Variants in UNC13C observed in about 807,000 individuals in gnomAD.
The protein encoded by UNC13C is protein unc-13 homolog C.
UNC13C carries 174 observed loss-of-function variants against 245.4 expected under a neutral mutation model. The ratio of observed to expected loss-of-function variants is 0.71; its 90% CI spans 0.63 to 0.80. The LOEUF (loss-of-function observed/expected upper bound fraction) is 0.80. Among genes scored for constraint, UNC13C ranks in the 30% least tolerant of loss-of-function variants. UNC13C has a pLI of 0.00. For missense variants in UNC13C, 2,829 were observed against 2,602.9 expected (o/e 1.09, Z -1.89); for synonymous variants, 992 against 895.1 (o/e 1.11, Z -1.93).
chr15:53,957,973 GT>G, the UNC13C span, among the ~76,000 whole-genome samples: 10 of 152,066 alleles, frequency 6.6e-5, no homozygotes, highest in Admixed American at 2.0e-4. Context: ...TTTGTTTTTT[GT>G]TTTTTTGTGT....
At chr15:54,132,015 C>T (rs1446410476) in intron 2 of UNC13C, among the ~76,000 whole-genome samples, 2 of 151,382 alleles carry the variant, frequency 1.3e-5, no homozygotes, top group African/African-American at 4.9e-5. Context: ...TCACTTTGTT[C>T]ATATCTTTAA....
At chr15:54,459,154 T>C (rs941278234) in intron 19 of UNC13C, among the ~76,000 whole-genome samples, 2 of 152,184 alleles carry the variant, frequency 1.3e-5, no homozygotes, top group African/African-American at 4.8e-5. Context: ...TTACGAAGCT[T>C]AGTTTCTCTG....
At chr15:54,367,350 A>G (rs1012258870) in intron 17 of UNC13C, among the ~76,000 whole-genome samples, 1 of 152,214 alleles carries the variant, frequency 6.6e-6, no homozygotes, top group Non-Finnish European at 1.5e-5. Context: ...TGTGAATACC[A>G]TCTTTTCTGT....
chr15:54,454,850 C>T (rs1425200538), intron 19 of UNC13C, among the ~76,000 whole-genome samples: 2 of 151,688 alleles, frequency 1.3e-5, no homozygotes, highest in African/African-American at 2.4e-5. Context: ...TTCAGGGGAA[C>T]AAGTGGTGTT....
the UNC13C span, among the ~76,000 whole-genome samples, chr15:53,925,885 G>A: frequency 6.6e-6 from 1 of 152,162 alleles, no homozygotes; most frequent in Non-Finnish European, 1.5e-5. Flanking sequence ...TCCTGGCTAG[G>A]CCTGTAAAAT....
chr15:54,030,865 A>C (rs1441661941), intron 2 of UNC13C, among the ~76,000 whole-genome samples: 1 of 152,074 alleles, frequency 6.6e-6, no homozygotes, highest in Non-Finnish European at 1.5e-5. Flanking sequence ...AGAGCCCAAA[A>C]TCCTATTTGT....
At chr15:54,362,165 C>T (rs1336436075) in intron 17 of UNC13C, among the ~76,000 whole-genome samples, 1 of 152,194 alleles carries the variant, frequency 6.6e-6, no homozygotes, top group Non-Finnish European at 1.5e-5. Flanking sequence ...AAAAGACGTA[C>T]TCTTTATCCA....
rs552902087 is a variant in UNC13C, at chr15:54,490,629, C to T, written c.4934-3979C>T. Among the ~76,000 whole-genome samples the T allele has an allele frequency of 4.0e-5, 6 of 151,444 alleles. No homozygotes were observed. The East Asian group carries it at 9.7e-4, about 25-fold the overall frequency. On this transcript the variant is annotated intron_variant, in intron 19 of 32. Coordinates refer to ENST00000260323, the MANE Select transcript of UNC13C (RefSeq NM_001080534.3). ...CCTGCTTTCCAAAGTGTAGAGGCTACTGCATTGCAAGGGACAGGGATTGGG... is the reference window on the plus strand; with the variant it reads ...CCTGCTTTCCAAAGTGTAGAGGCTATTGCATTGCAAGGGACAGGGATTGGG...
rs1245840351 is a variant in UNC13C at position 54,627,378 on chromosome 15, T to C, written c.*265T>C. ...TGTTTATTTTGTTTCTTTACCCATT[T>C]CACATTCATTAAACATAATTTTTAA... On this transcript the variant is annotated 3_prime_UTR_variant, in exon 33 of 33. Coordinates refer to ENST00000260323, the MANE Select transcript of UNC13C (RefSeq NM_001080534.3). 1 of 280,476 alleles carries C rather than the reference T, an allele frequency of 3.6e-6. No homozygotes were observed. The highest frequency in any genetic ancestry group is 2.2e-5 in the African/African-American group (1 of 46,026). The allele number at this position is 280,476 out of a possible 1,614,324, so 17.4% of individuals were successfully genotyped here.
intron 26 of UNC13C, among the ~76,000 whole-genome samples, chr15:54,541,730 A>G (rs1435844948): frequency 6.6e-6 from 1 of 152,158 alleles, no homozygotes; most frequent in Non-Finnish European, 1.5e-5. Flanking sequence ...AGAAGTTTCT[A>G]AAGAATAGCT....
intron 4 of UNC13C, among the ~76,000 whole-genome samples, chr15:54,211,936 A>G (rs2034892463): frequency 6.6e-6 from 1 of 152,064 alleles, no homozygotes. Flanking sequence ...TTGTAAGGTA[A>G]GAAACAGGAG....
At chr15:53,952,098 G>A in the UNC13C span, among the ~76,000 whole-genome samples, 2 of 152,158 alleles carry the variant, frequency 1.3e-5, no homozygotes, top group Non-Finnish European at 2.9e-5. Context: ...ATGAGCTGAG[G>A]TGATATTCTT....
chr15:54,183,390 A>G (rs1050704764), intron 4 of UNC13C, among the ~76,000 whole-genome samples: 3 of 151,278 alleles, frequency 2.0e-5, no homozygotes, highest in Non-Finnish European at 2.9e-5. Context: ...AGTTCTGACT[A>G]TGCTATTACT....
the UNC13C span, among the ~76,000 whole-genome samples, chr15:53,901,099 T>C: frequency 6.6e-6 from 1 of 152,046 alleles, no homozygotes; most frequent in African/African-American, 2.4e-5. Flanking sequence ...CATTTTCTTC[T>C]ATATTTAATT....
intron 29 of UNC13C, among the ~76,000 whole-genome samples, chr15:54,566,514 C>T (rs567650438): frequency 1.8e-4 from 28 of 152,170 alleles, no homozygotes; most frequent in African/African-American, 6.3e-4. Context: ...TTTCACAGAG[C>T]ACCTAGCTAG....
intron 4 of UNC13C, among the ~76,000 whole-genome samples, chr15:54,144,578 A>C (rs541524261): frequency 6.6e-6 from 1 of 152,216 alleles, no homozygotes; most frequent in Non-Finnish European, 1.5e-5. Context: ...TCAGTATTCA[A>C]GCTCAGTTAA....
intron 19 of UNC13C, among the ~76,000 whole-genome samples, chr15:54,462,586 C>T (rs1164349980): frequency 6.6e-6 from 1 of 152,234 alleles, no homozygotes; most frequent in Non-Finnish European, 1.5e-5. Flanking sequence ...GAGTGAGGGG[C>T]TTAGCACCTG....
chr15:53,951,688 A>G, the UNC13C span, among the ~76,000 whole-genome samples: 1 of 152,184 alleles, frequency 6.6e-6, no homozygotes, highest in South Asian at 2.1e-4. Flanking sequence ...CCGCAAATCC[A>G]TGTTTTTAAC....
intron 30 of UNC13C, among the ~76,000 whole-genome samples, chr15:54,613,517 AAT>A (rs1900237614): frequency 6.6e-6 from 1 of 152,028 alleles, no homozygotes; most frequent in Admixed American, 6.6e-5. Context: ...TGATACTCAT[AAT>A]AGTGTTTTCA....
Sources: allele counts gnomAD v4.1 joint callset (sites outside exome capture counted in the v4.1 genomes callset), GRCh38; gene constraint gnomAD v4.1.1; transcripts MANE v1.5; gene names NCBI Gene and HGNC (gene_info 2026-07-23, HGNC 2026-07-21).